Variants in HSPA4L observed in about 807,000 individuals in gnomAD.
The protein encoded by HSPA4L is heat shock 70 kDa protein 4L.
A neutral mutation model predicts 100.3 loss-of-function variants in HSPA4L; 48 were observed. The observed-to-expected ratio is 0.48, with a 90% confidence interval of 0.38 to 0.61. HSPA4L has a LOEUF of 0.61. Among genes scored for constraint, HSPA4L ranks in the 20% least tolerant of loss-of-function variants. The pLI, the probability that HSPA4L is intolerant of heterozygous loss-of-function variation, is 0.00. For synonymous variants in HSPA4L, 319 were observed against 328.2 expected (o/e 0.97, Z 0.30); for missense variants, 886 against 988.6 (o/e 0.90, Z 1.39).
Position 127,830,813 on chromosome 4 carries a change from G to T in HSPA4L, c.2328+14G>T, listed in dbSNP as rs781457311. On this transcript the variant is annotated intron_variant, in intron 18 of 18. Coordinates refer to ENST00000296464, the MANE Select transcript of HSPA4L (RefSeq NM_014278.4). ...GCAAAGTCAAAGGTAAGAAGTTTAT[G>T]AAATTGCCTTTTTAATGGTTTCAAG... The T allele has an allele frequency of 1.3e-6, 2 of 1,515,198 alleles. No individual in the cohort carries two copies. The highest frequency in any genetic ancestry group is 4.9e-5 in the East Asian group (2 of 40,572). 93.9% of individuals were successfully genotyped at this position (1,515,198 alleles called of 1,614,324 possible).
At chr4:127,798,447 C>T (rs1733083431) in intron 3 of HSPA4L, 140 bp from the exon 4 acceptor site, 3 of 734,206 alleles carry the variant, frequency 4.1e-6, no homozygotes, top group East Asian at 2.8e-5. Context: ...TCTAAAATGA[C>T]AATCTTTCTG....
intron 6 of HSPA4L, 147 bp from the exon 7 acceptor site, chr4:127,803,482 C>CT: frequency 1.5e-6 from 1 of 651,320 alleles, no homozygotes; most frequent in Non-Finnish European, 2.4e-6. Flanking sequence ...TAATTTAACT[C>CT]TGATTCCAAA....
At chr4:127,819,101 G>A (rs909698224) in intron 13 of HSPA4L, among the ~76,000 whole-genome samples, 5 of 152,086 alleles carry the variant, frequency 3.3e-5, no homozygotes, top group Non-Finnish European at 7.4e-5. Context: ...CATGTTAGCT[G>A]TACTCTATAT....
chr4:127,785,814 A>G (rs1732701149), intron 1 of HSPA4L, among the ~76,000 whole-genome samples: 2 of 152,188 alleles, frequency 1.3e-5, no homozygotes, highest in Non-Finnish European at 2.9e-5. Context: ...AATCATGATA[A>G]TTTAATCCAT....
At chr4:127,801,427 T>C (rs1049012087) in intron 5 of HSPA4L, among the ~76,000 whole-genome samples, 190 bp downstream of exon 5, 1 of 151,600 alleles carries the variant, frequency 6.6e-6, no homozygotes, top group Non-Finnish European at 1.5e-5. Flanking sequence ...AGACACAGTC[T>C]CTTTAAAAAA....
At chr4:127,801,984 C>G (rs553618976) in intron 6 of HSPA4L, 66 bp downstream of exon 6, 3 of 1,331,058 alleles carry the variant, frequency 2.3e-6, no homozygotes, top group Non-Finnish European at 3.1e-6. Flanking sequence ...ACCGTAATAG[C>G]TGGGTTCGAA....
intron 1 of HSPA4L, 55 bp from the exon 2 acceptor site, chr4:127,794,022 A>T: frequency 7.9e-7 from 1 of 1,260,918 alleles, no homozygotes; most frequent in Non-Finnish European, 1.1e-6. Context: ...AAGCAAAATA[A>T]TAGCACAATA....
In HSPA4L at chr4:127,794,090, T is replaced by C. The variant is rs759617179; in HGVS notation, c.121T>C (p.Leu41=). 6.2e-6 allele frequency: 10 copies of C among 1,610,186 alleles called. No individual in the cohort carries two copies. The highest frequency in any genetic ancestry group is 1.3e-5 in the African/African-American group (1 of 74,848). ...SDRCTPACIS[L]GSRTRAIGNA... ...TTTCTGGTTTAGGGCCTGTATATCA[T>C]TGGGATCAAGAACTCGAGCCATTGG... is the stretch of plus-strand genomic sequence containing the variant. Residue 41 remains leucine, a synonymous_variant, in exon 2 of 19, where the codon TTG becomes CTG. Coordinates refer to ENST00000296464, the MANE Select transcript of HSPA4L (RefSeq NM_014278.4).
chr4:127,793,796 T>C, intron 1 of HSPA4L, among the ~76,000 whole-genome samples: 1 of 152,192 alleles, frequency 6.6e-6, no homozygotes, highest in East Asian at 1.9e-4. Flanking sequence ...GAGTTTTCTT[T>C]TAATGGGTCA....
Position 127,823,549 on chromosome 4 carries a change from C to T in HSPA4L, c.1971C>T (p.Asp657=). Residue 657 remains aspartate, a synonymous_variant, in exon 16 of 19, where the codon GAC becomes GAT. Transcript: ENST00000296464. ...DLSKLSAVLE[D]TENWLYEDGE... is the part of the protein sequence containing the mutation. Reference sequence around the variant, plus strand: ...GTAAACTGTCTGCAGTATTGGAAGACACAGAAAATTGGCTTTATGAAGACG... The same window carrying T: ...GTAAACTGTCTGCAGTATTGGAAGATACAGAAAATTGGCTTTATGAAGACG... 2 of 1,613,062 alleles carry T rather than the reference C, an allele frequency of 1.2e-6. No individual in the cohort carries two copies. Among genetic ancestry groups the T allele is most frequent in the Non-Finnish European group, 1.7e-6 (2 of 1,179,166 alleles).
At chr4:127,823,429 A>AT (rs1444391253) in intron 15 of HSPA4L, 88 bp from the exon 16 acceptor site, 1 of 849,826 alleles carries the variant, frequency 1.2e-6, no homozygotes, top group East Asian at 2.7e-5. Context: ...GATTACAGGC[A>AT]TGAGGCACTG....
Position 127,782,935 on chromosome 4 carries a change from C to T in HSPA4L, c.107+278C>T, listed in dbSNP as rs919146911. ...TACGCACGTCCCCTGCCTCGTGCCG[C>T]TGTCCCCCAACGCCTCTTTTGCTTG... On this transcript the variant is annotated intron_variant, in intron 1 of 18. Transcript: ENST00000296464. Among the ~76,000 whole-genome samples, 50 of 152,180 alleles carry T rather than the reference C, an allele frequency of 3.3e-4. 1 individual carries two copies. The highest frequency in any genetic ancestry group is 4.4e-5 in the Non-Finnish European group (3 of 68,038).
chr4:127,839,193 C>T lies in HSPA4L; in HGVS notation c.*6319C>T, dbSNP rs1560677045. 6.6e-6 allele frequency: 1 copy of T among 152,106 alleles called. No individual in the cohort carries two copies. Among genetic ancestry groups the T allele is most frequent in the Non-Finnish European group, 1.5e-5 (1 of 68,018 alleles). 9.4% of individuals were successfully genotyped at this position (152,106 alleles called of 1,614,324 possible). ...TTATGTATGTGTGTTGTGCATCTTC[C>T]TTGTTGTTTTAGAGTTTCCTAAATT... On this transcript the variant is annotated 3_prime_UTR_variant, in exon 19 of 19. Coordinates refer to ENST00000296464, the MANE Select transcript of HSPA4L (RefSeq NM_014278.4).
chr4:127,793,660 C>T (rs932316398), intron 1 of HSPA4L, among the ~76,000 whole-genome samples: 9 of 152,180 alleles, frequency 5.9e-5, no homozygotes, highest in Non-Finnish European at 1.3e-4. Flanking sequence ...GATATTATCA[C>T]AATCTTCCAG....
intron 1 of HSPA4L, among the ~76,000 whole-genome samples, chr4:127,788,774 T>C (rs1254673233): frequency 6.6e-6 from 1 of 152,178 alleles, no homozygotes; most frequent in East Asian, 1.9e-4. Flanking sequence ...GACAGTGCAT[T>C]ACAGTACAGC....
rs559110369 is a variant in HSPA4L at position 127,822,885 on chromosome 4, C to T, written c.1929C>T (p.Ile643=). Residue 643 remains isoleucine (I), a synonymous_variant, in exon 15 of 19, where the codon ATC becomes ATT. Transcript: ENST00000296464. ...DRLGTVYEKF[I]TPEDLSKLSA... ...TGGGCACTGTCTATGAAAAATTCATCACTCCAGAAGTAAGTCTAAATTCTG... is the reference window on the plus strand; with the variant it reads ...TGGGCACTGTCTATGAAAAATTCATTACTCCAGAAGTAAGTCTAAATTCTG... The T allele has an allele frequency of 2.5e-6, 4 of 1,613,244 alleles. No homozygotes were observed. The highest frequency in any genetic ancestry group is 1.7e-5 in the Admixed American group (1 of 59,902).
rs1734324582 is a variant in HSPA4L at position 127,839,945 on chromosome 4, C to A, written c.*7071C>A. On this transcript the variant is annotated 3_prime_UTR_variant, in exon 19 of 19. Transcript: ENST00000296464. ...GCATCCAGGTCATCTTTTCTTTTCT[C>A]CAACCATTATTAAAATAACTTGACA... is the stretch of plus-strand genomic sequence containing the variant. The A allele has an allele frequency of 6.6e-6, 1 of 151,992 alleles. No individual in the cohort carries two copies. Among genetic ancestry groups the A allele is most frequent in the African/African-American group, 2.4e-5 (1 of 41,364 alleles). The allele number at this position is 151,992 out of a possible 1,614,324, so 9.4% of individuals were successfully genotyped here.
chr4:127,795,985 G>A, intron 3 of HSPA4L, 77 bp downstream of exon 3: 1 of 1,467,598 alleles, frequency 6.8e-7, no homozygotes, highest in Non-Finnish European at 9.4e-7. Flanking sequence ...GCTATTTGTA[G>A]TTTGACCTTT....
At position 127,830,637 on chromosome 4, in the gene HSPA4L, G is replaced by C; in HGVS notation, c.2167-1G>C. 3.2e-6 allele frequency: 5 copies of C among 1,569,068 alleles called. No homozygotes were observed. Among genetic ancestry groups the C allele is most frequent in the Non-Finnish European group, 4.3e-6 (5 of 1,164,920 alleles). The stretch of plus-strand genomic sequence containing the variant: ...CAGTCAAGCTTTTTTTTTTTAAATA[G>C]GATGAAAGATATGATCATCTGGATC... On this transcript the variant is annotated splice_acceptor_variant, in intron 17 of 18. Coordinates refer to ENST00000296464, the MANE Select transcript of HSPA4L (RefSeq NM_014278.4). LOFTEE classifies it high-confidence loss of function.
Sources: allele counts gnomAD v4.1 joint callset (sites outside exome capture counted in the v4.1 genomes callset), GRCh38; gene constraint gnomAD v4.1.1; transcripts MANE v1.5; gene names NCBI Gene and HGNC (gene_info 2026-07-23, HGNC 2026-07-21).